The following PPP2R1B variants were observed in gnomAD, a reference collection of about 807,000 sequenced individuals.
PPP2R1B encodes the protein serine/threonine-protein phosphatase 2A 65 kDa regulatory subunit A beta isoform.
PPP2R1B carries 58 observed loss-of-function variants against 72.7 expected under a neutral mutation model. The observed-to-expected ratio is 0.80, with a 90% CI of 0.65 to 0.99. The LOEUF (loss-of-function observed/expected upper bound fraction) is 0.99. Among genes scored for constraint, PPP2R1B ranks in the 50% least tolerant of loss-of-function variants. The pLI, the probability that PPP2R1B is intolerant of heterozygous loss-of-function variation, is 0.00. For missense variants in PPP2R1B, 695 were observed against 733.6 expected, an observed-to-expected ratio of 0.95 and a Z score of 0.61; for synonymous variants, 256 against 264.6, an observed-to-expected ratio of 0.97 and a Z score of 0.32.
chr11:111,689,400 A>C, the PPP2R1B span, among the ~76,000 whole-genome samples: 3 of 152,176 alleles, frequency 2.0e-5, no homozygotes, highest in Non-Finnish European at 2.9e-5. Context: ...GGTGAGGTGG[A>C]AGACAGGAAG....
At chr11:111,705,105 G>C in the PPP2R1B span, 1 of 1,592,464 alleles carries the variant, frequency 6.3e-7, no homozygotes, top group Non-Finnish European at 8.5e-7. This position sits in a 1 kb window ranked among gnomAD's most constrained non-coding sequence, Gnocchi z 4.3. Flanking sequence ...CGCCAGCGTC[G>C]GCCTAGCACC....
At chr11:111,764,089 G>T (rs1473780831) in intron 3 of PPP2R1B, among the ~76,000 whole-genome samples, 1 of 152,154 alleles carries the variant, frequency 6.6e-6, no homozygotes, top group Non-Finnish European at 1.5e-5. Flanking sequence ...CACCCGGAGT[G>T]AATCCCTTTC....
downstream of PPP2R1B, among the ~76,000 whole-genome samples, chr11:111,735,934 T>A (rs568913938): frequency 2.0e-5 from 3 of 152,204 alleles, no homozygotes; most frequent in Non-Finnish European, 2.9e-5. Context: ...TCCCTTTCCA[T>A]CTCACCCTCG....
chr11:111,716,512 G>A, the PPP2R1B span, among the ~76,000 whole-genome samples: 3 of 152,154 alleles, frequency 2.0e-5, no homozygotes, highest in African/African-American at 7.2e-5. Context: ...GGGAGATGGA[G>A]GTTGCAGTGA....
intron 11 of PPP2R1B, among the ~76,000 whole-genome samples, chr11:111,746,286 T>C (rs1944700793): frequency 6.6e-6 from 1 of 152,008 alleles, no homozygotes; most frequent in Non-Finnish European, 1.5e-5. Flanking sequence ...CGGAATACTA[T>C]GCGGCCATAA....
chr11:111,713,475 G>T, the PPP2R1B span, among the ~76,000 whole-genome samples: 3 of 152,184 alleles, frequency 2.0e-5, no homozygotes, highest in African/African-American at 7.2e-5. Flanking sequence ...AGACTATTAT[G>T]AGGATTAATT....
the PPP2R1B span, chr11:111,704,907 CCT>C: frequency 2.1e-6 from 3 of 1,436,870 alleles, no homozygotes; most frequent in Non-Finnish European, 9.3e-7. Context: ...CAATTTCTTT[CCT>C]CTTTTTTTTT....
rs1312536692 is a variant in PPP2R1B at position 111,740,221 on chromosome 11, T to C, written c.*1375A>G. 5.1e-6 allele frequency: 5 copies of C among 985,012 alleles called. No individual in the cohort carries two copies. The highest frequency in any genetic ancestry group is 4.7e-5 in the South Asian group (1 of 21,280). 61.0% of individuals were successfully genotyped at this position (985,012 alleles called of 1,614,324 possible). A position where few individuals can be genotyped will look rare whatever the true frequency, so the allele number is the denominator to read the frequency against. ...AAGGTGAGTTTGATTATGTGAAAAATAGTTGTTTTTTTTTGAGATGGACTC... is the reference window on the plus strand; with the variant it reads ...AAGGTGAGTTTGATTATGTGAAAAACAGTTGTTTTTTTTTGAGATGGACTC... On this transcript the variant is annotated 3_prime_UTR_variant, in exon 15 of 15. Coordinates refer to ENST00000527614, the MANE Select transcript of PPP2R1B (RefSeq NM_002716.5).
At chr11:111,697,402 CG>C in the PPP2R1B span, among the ~76,000 whole-genome samples, 9 of 152,034 alleles carry the variant, frequency 5.9e-5, no homozygotes, top group Non-Finnish European at 1.3e-4. Context: ...TCCCTGCTCC[CG>C]AGGAACTTAG....
intron 15 of PPP2R1B, among the ~76,000 whole-genome samples, chr11:111,731,318 A>G (rs1007143333): frequency 1.3e-5 from 2 of 152,182 alleles, no homozygotes; most frequent in African/African-American, 2.4e-5. Context: ...GGCAAAAGAC[A>G]CTGCTACTTA....
chr11:111,764,214 CTTTTT>C (rs369985121), intron 3 of PPP2R1B, among the ~76,000 whole-genome samples: 5 of 143,418 alleles, frequency 3.5e-5, no homozygotes, highest in Non-Finnish European at 7.7e-5. Context: ...TTTTGGTGGT[CTTTTT>C]TTTTTTTTAA....
At chr11:111,765,734 A>T in intron 1 of PPP2R1B, 1 of 485,210 alleles carries the variant, frequency 2.1e-6, no homozygotes, top group Non-Finnish European at 4.1e-6. Context: ...TTCAAAGAAA[A>T]GTTCCCACAG....
the PPP2R1B span, among the ~76,000 whole-genome samples, chr11:111,702,578 T>C: frequency 6.6e-6 from 1 of 152,272 alleles, no homozygotes; most frequent in East Asian, 1.9e-4. Context: ...CCAATAATAA[T>C]ATAATAAATA....
At chr11:111,701,165 G>C in the PPP2R1B span, among the ~76,000 whole-genome samples, 1 of 152,172 alleles carries the variant, frequency 6.6e-6, no homozygotes, top group African/African-American at 2.4e-5. The surrounding 1 kb of genome is among the most constrained non-coding windows in gnomAD (Gnocchi z 4.2). Flanking sequence ...TCTTGAAATG[G>C]ATCCCTAGGA....
chr11:111,737,482 G>C (rs890399650), downstream of PPP2R1B: 3 of 1,614,230 alleles, frequency 1.9e-6, no homozygotes, highest in East Asian at 6.7e-5. Flanking sequence ...TGTGGGTCTT[G>C]GGAAGTGGTT....
intron 12 of PPP2R1B, 137 bp from the exon 13 acceptor site, chr11:111,742,802 C>T: frequency 1.5e-6 from 1 of 687,960 alleles, no homozygotes; most frequent in Non-Finnish European, 2.2e-6. Context: ...GTGGGGGACA[C>T]AAGAATCATT....
chr11:111,741,460 G>T lies in PPP2R1B; in HGVS notation c.*136C>A. The T allele has an allele frequency of 6.8e-7, 1 of 1,476,204 alleles. No individual in the cohort carries two copies. Among genetic ancestry groups the T allele is most frequent in the Non-Finnish European group, 9.0e-7 (1 of 1,116,694 alleles). The allele number at this position is 1,476,204 out of a possible 1,614,324, so 91.4% of individuals were successfully genotyped here. A position where few individuals can be genotyped will look rare whatever the true frequency, so the allele number is the denominator to read the frequency against. ...TTTAGAAAGAATTAAGTCACTAAAT[G>T]ATTTCTTCTAAGTTGTTGCCATTTG... On this transcript the variant is annotated 3_prime_UTR_variant, in exon 15 of 15. Coordinates refer to ENST00000527614, the MANE Select transcript of PPP2R1B (RefSeq NM_002716.5).
chr11:111,696,380 T>C, the PPP2R1B span, among the ~76,000 whole-genome samples: 2 of 152,182 alleles, frequency 1.3e-5, no homozygotes, highest in African/African-American at 2.4e-5. Context: ...TAGAGGAAGC[T>C]GGGTGAAGGG....
At chr11:111,710,753 G>A in the PPP2R1B span, among the ~76,000 whole-genome samples, 8 of 152,228 alleles carry the variant, frequency 5.3e-5, no homozygotes, top group Admixed American at 5.2e-4. Flanking sequence ...TTTCAGAGAG[G>A]TTAGGAAACC....
Sources: gnomAD v4.1 joint callset for allele counts (sites outside exome capture counted in the v4.1 genomes callset) on GRCh38, gnomAD v4.1.1 for gene constraint, Gnocchi (gnomAD v3.1) non-coding constraint, MANE v1.5 for transcripts, NCBI Gene and HGNC (gene_info 2026-07-23, HGNC 2026-07-21) for gene names.